The following SGK3 variants were observed in gnomAD, a reference collection of about 807,000 sequenced individuals.
SGK3 encodes serine/threonine-protein kinase Sgk3.
A neutral mutation model predicts 68.5 loss-of-function variants in SGK3; 47 were observed. That is an observed-to-expected ratio of 0.69 (90% CI 0.54 to 0.87). The LOEUF (loss-of-function observed/expected upper bound fraction) is 0.87, where lower values mean the gene tolerates loss of function less well. SGK3 is among the 40% of genes least tolerant of loss of function. The pLI, the probability that SGK3 is intolerant of heterozygous loss-of-function variation, is 0.00. For missense variants in SGK3, 479 were observed against 575.5 expected, an observed-to-expected ratio of 0.83 and a Z score of 1.72; for synonymous variants, 181 against 189.1, an observed-to-expected ratio of 0.96 and a Z score of 0.35.
chr8:66,723,090 C>T lies in SGK3; in HGVS notation c.-122+10257C>T, dbSNP rs9918866. On this transcript the variant is annotated intron_variant, in intron 1 of 16. Transcript: ENST00000521198. Reference sequence around the variant, plus strand: ...AAACATTCAGAAGTAAGATTTTGTTCATATATATATATATATATATATATA... The same window carrying T: ...AAACATTCAGAAGTAAGATTTTGTTTATATATATATATATATATATATATA... Among the ~76,000 whole-genome samples the T allele has an allele frequency of 8.9e-3, 190 of 21,238 alleles. 1 individual carries two copies. Among genetic ancestry groups the T allele is most frequent in the African/African-American group, 0.03 (124 of 4,086 alleles). The allele number at this position is 21,238 out of a possible 152,430, so 13.9% of individuals were successfully genotyped here. A position where few individuals can be genotyped will look rare whatever the true frequency, so the allele number is the denominator to read the frequency against.
Position 66,822,452 on chromosome 8 carries a change from C to G in SGK3, c.410C>G (p.Ser137Cys). The change falls in exon 6 of 17, where the codon TCT becomes TGT. Residue 137 changes from serine to cysteine, a missense_variant. Transcript: ENST00000521198. ...TCTGAAGATGAGGATGAAAGAAGTT[C>G]TCAGAAGGTAGTAAGAGGAATTGCC... is the stretch of plus-strand genomic sequence containing the variant. ...DPSEDEDERS[S>C]QKLHSTSQNI... 6.2e-7 allele frequency: 1 copy of G among 1,610,780 alleles called. No homozygotes were observed. Among genetic ancestry groups the G allele is most frequent in the Non-Finnish European group, 8.5e-7 (1 of 1,178,492 alleles).
intron 2 of SGK3, among the ~76,000 whole-genome samples, chr8:66,796,281 T>A (rs1318519869): frequency 6.7e-6 from 1 of 148,398 alleles, no homozygotes; most frequent in Non-Finnish European, 1.5e-5. Flanking sequence ...GGACTACAGA[T>A]GCATGCCACC....
At chr8:66,815,552 A>G (rs1304781286) in intron 5 of SGK3, among the ~76,000 whole-genome samples, 1 of 152,120 alleles carries the variant, frequency 6.6e-6, no homozygotes, top group East Asian at 1.9e-4. Context: ...CCACCCTTCT[A>G]TCTCTAATTG....
Position 66,836,087 on chromosome 8 carries a change from A to G in SGK3, c.741+13A>G. On this transcript the variant is annotated intron_variant, in intron 10 of 16. Transcript: ENST00000521198. ...TAATGGAGGGGAGGTGAGTTTTATA[A>G]TGAGTTTTCTAATGTTAATAGTTTA... 1 of 1,605,742 alleles carries G rather than the reference A, an allele frequency of 6.2e-7. No individual in the cohort carries two copies. The highest frequency in any genetic ancestry group is 8.5e-7 in the Non-Finnish European group (1 of 1,177,260).
intron 1 of SGK3, among the ~76,000 whole-genome samples, chr8:66,787,819 A>G (rs1198495338): frequency 3.3e-5 from 5 of 152,326 alleles, no homozygotes; most frequent in Middle Eastern, 3.4e-3. Flanking sequence ...TAAAAAATAT[A>G]TAATTTTCCA....
intron 5 of SGK3, 97 bp downstream of exon 5, chr8:66,814,025 A>C: frequency 3.1e-6 from 3 of 968,722 alleles, no homozygotes; most frequent in Non-Finnish European, 4.3e-6. Flanking sequence ...ATGAAATGTT[A>C]CTGTGCTATA....
intron 3 of SGK3, among the ~76,000 whole-genome samples, chr8:66,802,181 A>G (rs953662078): frequency 1.3e-5 from 2 of 152,134 alleles, no homozygotes; most frequent in Non-Finnish European, 2.9e-5. Context: ...GGTGAGGGGC[A>G]AAGAAAAAAA....
intron 1 of SGK3, among the ~76,000 whole-genome samples, chr8:66,783,343 T>C (rs1328795444): frequency 6.6e-6 from 1 of 152,216 alleles, no homozygotes; most frequent in Non-Finnish European, 1.5e-5. Context: ...TTTTTGTGTA[T>C]TTTAGATAAC....
intron 6 of SGK3, among the ~76,000 whole-genome samples, chr8:66,826,431 AT>A (rs1297076300): frequency 6.6e-6 from 1 of 151,536 alleles, no homozygotes; most frequent in Non-Finnish European, 1.5e-5. Flanking sequence ...TTTTATTATG[AT>A]TTGTTTTGAT....
In SGK3 at chr8:66,855,446, G is replaced by A. The variant is rs990216901; in HGVS notation, c.1321-3965G>A. Among the ~76,000 whole-genome samples the A allele has an allele frequency of 5.3e-5, 8 of 152,188 alleles. No individual in the cohort carries two copies. In the East Asian group the frequency reaches 9.7e-4, roughly 18 times the overall value. On this transcript the variant is annotated intron_variant, in intron 16 of 16. Coordinates refer to ENST00000521198, the MANE Select transcript of SGK3 (RefSeq NM_001033578.3). The stretch of plus-strand genomic sequence containing the variant: ...TTGAACTCCTGACCTTAGGCAATCC[G>A]CCTATCTGGGCCTCCCAAAGTGCTG...
At chr8:66,822,562 TA>T in intron 6 of SGK3, 103 bp downstream of exon 6, 14 of 1,102,960 alleles carry the variant, frequency 1.3e-5, no homozygotes, top group Non-Finnish European at 1.6e-5. Flanking sequence ...TCATCCATAG[TA>T]GAGTTTCTAC....
In SGK3 at chr8:66,821,521, T is replaced by C. The variant is rs886742777; in HGVS notation, c.330-851T>C. ...CTTTCACTGGACCTGCACATAATTT[T>C]TTTTTTTTTGAGACAGAGTCTCGCT... On this transcript the variant is annotated intron_variant, in intron 5 of 16. Coordinates refer to ENST00000521198, the MANE Select transcript of SGK3 (RefSeq NM_001033578.3). 2.6e-5 allele frequency among the ~76,000 whole-genome samples: 4 copies of C among 151,748 alleles called. No individual in the cohort carries two copies. The East Asian group carries it at 5.8e-4, about 22-fold the overall frequency.
At chr8:66,814,920 C>CT (rs1808518037) in intron 5 of SGK3, among the ~76,000 whole-genome samples, 1 of 151,992 alleles carries the variant, frequency 6.6e-6, no homozygotes, top group Non-Finnish European at 1.5e-5. Flanking sequence ...TGTTATAGTA[C>CT]TTGTATGTAT....
chr8:66,804,316 G>A (rs1016799967), intron 3 of SGK3, 59 bp from the exon 4 acceptor site: 4 of 1,454,104 alleles, frequency 2.8e-6, no homozygotes, highest in Non-Finnish European at 3.7e-6. Context: ...GCTTTGATGT[G>A]TGCATAACTA....
chr8:66,857,243 G>A (rs1012742511), intron 16 of SGK3, among the ~76,000 whole-genome samples: 1 of 152,130 alleles, frequency 6.6e-6, no homozygotes, highest in Non-Finnish European at 1.5e-5. Context: ...CTCTATGGGG[G>A]ATTTTCTCAT....
chr8:66,782,385 T>C (rs1275005681), intron 1 of SGK3, among the ~76,000 whole-genome samples: 2 of 151,804 alleles, frequency 1.3e-5, no homozygotes, highest in Non-Finnish European at 2.9e-5. Flanking sequence ...GAGTTCCCCA[T>C]ATATCTGTGC....
chr8:66,804,591 C>G (rs894049737), intron 4 of SGK3, 144 bp downstream of exon 4: 1 of 827,414 alleles, frequency 1.2e-6, no homozygotes, highest in African/African-American at 1.7e-5. Flanking sequence ...AAGGTGCTTA[C>G]TGTCTACTAG....
At chr8:66,767,532 C>T in intron 1 of SGK3, 1 of 1,514,116 alleles carries the variant, frequency 6.6e-7, no homozygotes, top group African/African-American at 1.4e-5. Context: ...CCAGCTGAAA[C>T]AGCTTTTCAA....
intron 1 of SGK3, among the ~76,000 whole-genome samples, chr8:66,716,267 C>CGTCAAA (rs1430940922): frequency 6.6e-6 from 1 of 152,132 alleles, no homozygotes; most frequent in African/African-American, 2.4e-5. Flanking sequence ...TTGTAGTTCA[C>CGTCAAA]GTCAAAGTAG....
Sources: allele counts gnomAD v4.1 joint callset (sites outside exome capture counted in the v4.1 genomes callset), GRCh38; gene constraint gnomAD v4.1.1; transcripts MANE v1.5; gene names NCBI Gene and HGNC (gene_info 2026-07-23, HGNC 2026-07-21).